Variants in NR1H4 observed in about 807,000 individuals in gnomAD.
NR1H4 encodes nuclear receptor subfamily 1 group H member 4.
NR1H4 carries 23 observed loss-of-function variants against 58.5 expected under a neutral mutation model. The ratio of observed to expected loss-of-function variants is 0.39; its 90% confidence interval spans 0.28 to 0.56. The LOEUF is 0.56. Among genes scored for constraint, NR1H4 ranks in the 20% least tolerant of loss-of-function variants. The pLI, the probability that NR1H4 is intolerant of heterozygous loss-of-function variation, is 0.58. For synonymous variants in NR1H4, 214 were observed against 198.0 expected, an observed-to-expected ratio of 1.08 and a Z score of -0.68; for missense variants, 487 against 576.9, an observed-to-expected ratio of 0.84 and a Z score of 1.60.
intron 3 of NR1H4, among the ~76,000 whole-genome samples, chr12:100,495,688 C>T (rs963449484): frequency 1.4e-4 from 22 of 151,870 alleles, no homozygotes; most frequent in Admixed American, 1.3e-4. Context: ...GAGATCGCGC[C>T]ACTGCACTCC....
At chr12:100,547,751 A>G (rs1223590560) in intron 9 of NR1H4, among the ~76,000 whole-genome samples, 1 of 151,228 alleles carries the variant, frequency 6.6e-6, no homozygotes, top group Admixed American at 6.6e-5. Flanking sequence ...ACAGAGTCTC[A>G]CTCTGTCGCC....
chr12:100,535,229 TTC>T (rs1954788334), intron 6 of NR1H4, among the ~76,000 whole-genome samples: 1 of 152,258 alleles, frequency 6.6e-6, no homozygotes, highest in African/African-American at 2.4e-5. Context: ...AAAGTTTTCC[TTC>T]TCTCTGACTC....
intron 3 of NR1H4, among the ~76,000 whole-genome samples, chr12:100,507,397 A>G (rs1953992368): frequency 6.6e-6 from 1 of 152,016 alleles, no homozygotes; most frequent in African/African-American, 2.4e-5. Flanking sequence ...ACAAGGCACC[A>G]TTTCTAAAAT....
intron 1 of NR1H4, among the ~76,000 whole-genome samples, chr12:100,488,240 T>C (rs1321371914): frequency 6.6e-6 from 1 of 152,146 alleles, no homozygotes; most frequent in African/African-American, 2.4e-5. Flanking sequence ...CCTCAAGTAA[T>C]CCGCCCACCT....
rs1000338135 is a variant in NR1H4 at position 100,509,800 on chromosome 12, A to T, written c.80-978A>T. Among the ~76,000 whole-genome samples, 14 of 152,338 alleles carry T rather than the reference A, an allele frequency of 9.2e-5. 1 individual carries two copies. Among genetic ancestry groups the T allele is most frequent in the African/African-American group, 3.4e-4 (14 of 41,578 alleles). On this transcript the variant is annotated intron_variant, in intron 3 of 10. Transcript: ENST00000392986. ...GCAAAAACTACAAACAGTAAAAAAA[A>T]TTATGCAATCTTCTATCCCAGAATA...
chr12:100,557,628 T>C (rs187689593), intron 9 of NR1H4, among the ~76,000 whole-genome samples: 29 of 152,354 alleles, frequency 1.9e-4, no homozygotes, highest in Admixed American at 9.8e-4. Context: ...GAGTTGCCAG[T>C]GTCTATTATT....
intron 10 of NR1H4, 37 bp downstream of exon 10, chr12:100,562,035 T>A: frequency 1.0e-6 from 1 of 988,870 alleles, no homozygotes; most frequent in Non-Finnish European, 1.6e-6. Context: ...TTATGCCATT[T>A]TTTTCAGTAT....
chr12:100,483,642 A>G (rs1953427971), intron 1 of NR1H4, among the ~76,000 whole-genome samples: 1 of 152,180 alleles, frequency 6.6e-6, no homozygotes. Context: ...ACTTGGAAAA[A>G]TAAAACGTTT....
chr12:100,511,194 T>A (rs1954105886), intron 4 of NR1H4, 51 bp downstream of exon 4: 1 of 1,613,004 alleles, frequency 6.2e-7, no homozygotes, highest in African/African-American at 1.3e-5. Flanking sequence ...CTATATTGGT[T>A]GTTGAAATCC....
chr12:100,491,889 C>T (rs1953613331), intron 1 of NR1H4, among the ~76,000 whole-genome samples: 2 of 152,172 alleles, frequency 1.3e-5, no homozygotes, highest in Non-Finnish European at 2.9e-5. Flanking sequence ...CATCCTCCCT[C>T]CGCTACTTCT....
At chr12:100,483,914 A>G (rs1387884286) in intron 1 of NR1H4, among the ~76,000 whole-genome samples, 4 of 149,358 alleles carry the variant, frequency 2.7e-5, no homozygotes, top group African/African-American at 7.4e-5. Context: ...AACCCGGGAG[A>G]TGAAGATTGC....
intron 1 of NR1H4, among the ~76,000 whole-genome samples, chr12:100,476,700 C>G (rs1452250190): frequency 6.6e-6 from 1 of 152,050 alleles, no homozygotes; most frequent in Non-Finnish European, 1.5e-5. Context: ...TAGTCTCTAG[C>G]AACACAGATT....
At chr12:100,503,949 C>A (rs1410150803) in intron 3 of NR1H4, among the ~76,000 whole-genome samples, 2 of 152,038 alleles carry the variant, frequency 1.3e-5, no homozygotes, top group Admixed American at 6.6e-5. Flanking sequence ...ATATTAGTGT[C>A]CCTCAAGGAG....
At position 100,499,963 on chromosome 12, in the gene NR1H4, G is replaced by A. The variant is rs34530748; in HGVS notation, c.79+6561G>A. 3.5e-3 allele frequency: 1,618 copies of A among 455,936 alleles called. 8 individuals are homozygous for A. Among genetic ancestry groups the A allele is most frequent in the Non-Finnish European group, 5.6e-3 (1,263 of 226,766 alleles). 28.2% of individuals were successfully genotyped at this position (455,936 alleles called of 1,614,324 possible). A position where few individuals can be genotyped will look rare whatever the true frequency, so the allele number is the denominator to read the frequency against. On this transcript the variant is annotated intron_variant, in intron 3 of 10. Transcript: ENST00000392986. ...ATTTAAATAAGGTGATAAGAAGAAT[G>A]CCTGGCACATCACAAGTACTCTATT...
chr12:100,532,766 A>G (rs1028445746), intron 5 of NR1H4, among the ~76,000 whole-genome samples, 156 bp downstream of exon 5: 3 of 152,214 alleles, frequency 2.0e-5, no homozygotes, highest in African/African-American at 7.2e-5. Flanking sequence ...AATTGTCCAA[A>G]CTGTCAACTA....
intron 1 of NR1H4, among the ~76,000 whole-genome samples, chr12:100,491,540 T>C (rs1321196318): frequency 1.3e-5 from 2 of 150,714 alleles, no homozygotes; most frequent in African/African-American, 4.9e-5. Context: ...ACAGCTACAC[T>C]GAAAATTACA....
chr12:100,526,604 T>G (rs1008618413), intron 4 of NR1H4, among the ~76,000 whole-genome samples: 6 of 152,222 alleles, frequency 3.9e-5, no homozygotes, highest in Non-Finnish European at 7.3e-5. Context: ...AGGATCATGT[T>G]CAACTTTGAA....
At chr12:100,510,677 A>G (rs888045416) in intron 3 of NR1H4, 101 bp from the exon 4 acceptor site, 11 of 1,127,862 alleles carry the variant, frequency 9.8e-6, no homozygotes, top group East Asian at 5.1e-5. Flanking sequence ...AAATGTTTCA[A>G]TCTTTTCTTA....
intron 9 of NR1H4, among the ~76,000 whole-genome samples, chr12:100,558,215 A>G (rs1565785877): frequency 6.6e-6 from 1 of 150,812 alleles, no homozygotes; most frequent in African/African-American, 2.4e-5. Flanking sequence ...AAAAAAAAAA[A>G]AAAAAAAATC....
Sources: gnomAD v4.1 joint callset for allele counts (sites outside exome capture counted in the v4.1 genomes callset) on GRCh38, gnomAD v4.1.1 for gene constraint, MANE v1.5 for transcripts, NCBI Gene and HGNC (gene_info 2026-07-23, HGNC 2026-07-21) for gene names.